NCAM2: variants seen among roughly 807,000 people sequenced by gnomAD.
NCAM2 encodes neural cell adhesion molecule 2.
Under a neutral mutation model 98.1 loss-of-function variants are expected in NCAM2, and 30 were observed. The observed-to-expected ratio is 0.31, with a 90% CI of 0.23 to 0.41. The LOEUF is 0.41. Ranked by LOEUF, NCAM2 falls within the 10% of genes least tolerant of loss-of-function variation. The pLI is 1.00. For synonymous variants in NCAM2, 368 were observed against 342.4 expected (o/e 1.07, Z -0.83); for missense variants, 867 against 1,005.8 (o/e 0.86, Z 1.87).
At chr21:21,262,702 G>A (rs1422155471) in intron 1 of NCAM2, among the ~76,000 whole-genome samples, 1 of 143,602 alleles carries the variant, frequency 7.0e-6, no homozygotes, top group Non-Finnish European at 1.5e-5. Context: ...TAGGAAAAGT[G>A]GAAGTCAGAT....
At chr21:21,435,812 A>C (rs1236597074) in intron 12 of NCAM2, among the ~76,000 whole-genome samples, 2 of 152,200 alleles carry the variant, frequency 1.3e-5, no homozygotes, top group African/African-American at 4.8e-5. Context: ...TTTATATCTC[A>C]AATGGTGATG....
intron 1 of NCAM2, among the ~76,000 whole-genome samples, chr21:21,279,955 T>G (rs186698442): frequency 6.6e-6 from 1 of 152,336 alleles, no homozygotes; most frequent in African/African-American, 2.4e-5. Flanking sequence ...TCTTCTAAAC[T>G]TCTAGATATT....
chr21:21,268,435 T>C (rs1601821920), intron 1 of NCAM2, among the ~76,000 whole-genome samples: 1 of 152,330 alleles, frequency 6.6e-6, no homozygotes, highest in African/African-American at 2.4e-5. Context: ...TTTTCTTTGC[T>C]TCCTTGCAGT....
intron 12 of NCAM2, among the ~76,000 whole-genome samples, chr21:21,459,776 A>C (rs1220776419): frequency 6.6e-6 from 1 of 151,730 alleles, no homozygotes; most frequent in African/African-American, 2.4e-5. Flanking sequence ...AATTTCAGTT[A>C]TGCAAGATGA....
At chr21:21,185,168 A>G (rs2068599732) in intron 1 of NCAM2, among the ~76,000 whole-genome samples, 1 of 152,182 alleles carries the variant, frequency 6.6e-6, no homozygotes, top group Non-Finnish European at 1.5e-5. Flanking sequence ...ACAAAAACCG[A>G]TATTCACTAT....
chr21:21,100,231 A>T (rs1332879718), intron 1 of NCAM2, among the ~76,000 whole-genome samples: 1 of 152,008 alleles, frequency 6.6e-6, no homozygotes, highest in South Asian at 2.1e-4. Context: ...TGACCAAAAA[A>T]AAGAGAAGCC....
intron 1 of NCAM2, among the ~76,000 whole-genome samples, chr21:21,173,387 C>CT (rs971849016): frequency 2.2e-4 from 34 of 152,036 alleles, no homozygotes; most frequent in African/African-American, 3.6e-4. Flanking sequence ...CATTAATAGA[C>CT]TTTTTTTTCC....
chr21:21,357,606 A>G (rs1027580649), intron 8 of NCAM2, among the ~76,000 whole-genome samples: 9 of 152,298 alleles, frequency 5.9e-5, no homozygotes, highest in African/African-American at 2.2e-4. Flanking sequence ...TTAAGATTGA[A>G]AGACAGTATG....
At chr21:21,193,566 G>A (rs890178325) in intron 1 of NCAM2, among the ~76,000 whole-genome samples, 1 of 150,114 alleles carries the variant, frequency 6.7e-6, no homozygotes, top group East Asian at 2.0e-4. Flanking sequence ...CGCGATCTCG[G>A]CTCACTGCAA....
At chr21:21,337,287 A>G (rs899257977) in intron 7 of NCAM2, among the ~76,000 whole-genome samples, 1 of 150,436 alleles carries the variant, frequency 6.6e-6, no homozygotes, top group Non-Finnish European at 1.5e-5. Flanking sequence ...TTCAAGTAGA[A>G]CATAATACAT....
At chr21:21,497,595 G>A (rs1165047655) in intron 15 of NCAM2, among the ~76,000 whole-genome samples, 1 of 152,102 alleles carries the variant, frequency 6.6e-6, no homozygotes, top group African/African-American at 2.4e-5. Context: ...GATTGCCACT[G>A]AGTTTATTTA....
intron 1 of NCAM2, among the ~76,000 whole-genome samples, chr21:21,209,743 A>G (rs1443718302): frequency 1.3e-5 from 2 of 152,208 alleles, no homozygotes; most frequent in Admixed American, 1.3e-4. Flanking sequence ...TTCTACACAT[A>G]AGATGGAATA....
intron 1 of NCAM2, among the ~76,000 whole-genome samples, chr21:21,100,450 G>T (rs537424063): frequency 6.6e-6 from 1 of 151,938 alleles, no homozygotes; most frequent in Non-Finnish European, 1.5e-5. Context: ...AAAGCCAGAA[G>T]TACAAGGTGG....
chr21:21,302,941 C>T (rs1584109), intron 5 of NCAM2, among the ~76,000 whole-genome samples: 48,367 of 151,838 alleles, frequency 0.32, 8,449 homozygotes, highest in African/African-American at 0.46. Flanking sequence ...GAAGTCATGT[C>T]CTTTGCAGTG....
rs898147370 is a variant in NCAM2, at chr21:21,182,487, A to G, written c.56-98091A>G. Among the ~76,000 whole-genome samples, 10 of 152,182 alleles carry G rather than the reference A, an allele frequency of 6.6e-5. 1 individual carries two copies. The highest frequency in any genetic ancestry group is 1.0e-4 in the Non-Finnish European group (7 of 68,012). ...TTCCTCCAGTTTTACTCTGGTCTTAAGTTGCAGAGGCAGTAGCTTCAACTT... is the reference window on the plus strand; with the variant it reads ...TTCCTCCAGTTTTACTCTGGTCTTAGGTTGCAGAGGCAGTAGCTTCAACTT... On this transcript the variant is annotated intron_variant, in intron 1 of 17. Transcript: ENST00000400546.
At chr21:21,158,781 T>C (rs1224373076) in intron 1 of NCAM2, among the ~76,000 whole-genome samples, 1 of 152,192 alleles carries the variant, frequency 6.6e-6, no homozygotes, top group Non-Finnish European at 1.5e-5. Flanking sequence ...TATGTTTATA[T>C]ATAGTACATA....
At chr21:21,045,761 A>G (rs1331903293) in intron 1 of NCAM2, among the ~76,000 whole-genome samples, 6 of 152,250 alleles carry the variant, frequency 3.9e-5, no homozygotes, top group African/African-American at 1.2e-4. Context: ...GGAAATAATT[A>G]TCTGAACCTT....
chr21:21,507,956 T>C (rs1396515441), intron 15 of NCAM2, among the ~76,000 whole-genome samples: 2 of 152,156 alleles, frequency 1.3e-5, no homozygotes, highest in Non-Finnish European at 2.9e-5. Flanking sequence ...TCCATATTGT[T>C]ATAGCTGCGG....
intron 1 of NCAM2, among the ~76,000 whole-genome samples, chr21:21,098,385 G>A (rs1443081685): frequency 6.6e-6 from 1 of 151,694 alleles, no homozygotes; most frequent in African/African-American, 2.4e-5. Context: ...TAATAGAATA[G>A]TTTTGTTACG....
Sources: allele counts gnomAD v4.1 joint callset (sites outside exome capture counted in the v4.1 genomes callset), GRCh38; gene constraint gnomAD v4.1.1; transcripts MANE v1.5; gene names NCBI Gene and HGNC (gene_info 2026-07-23, HGNC 2026-07-21).